Variants in INPP5A observed in about 807,000 individuals in gnomAD.
INPP5A encodes the protein 43 kDa inositol polyphosphate 5-phophatase.
In INPP5A, 14 loss-of-function variants were observed where a neutral mutation model predicts 65.2. The ratio of observed to expected loss-of-function variants is 0.21; its 90% CI spans 0.14 to 0.34. The LOEUF is 0.34. Ranked by LOEUF, INPP5A falls within the 10% of genes least tolerant of loss-of-function variation. INPP5A has a pLI of 1.00. For missense variants in INPP5A, 431 were observed against 545.6 expected, an observed-to-expected ratio of 0.79 and a Z score of 2.09; for synonymous variants, 207 against 208.3, an observed-to-expected ratio of 0.99 and a Z score of 0.05.
intron 1 of INPP5A, among the ~76,000 whole-genome samples, chr10:132,563,357 C>G (rs2071229832): frequency 6.6e-6 from 1 of 152,160 alleles, no homozygotes; most frequent in South Asian, 2.1e-4. Flanking sequence ...ACAGCGTCTG[C>G]CGGGTGCTGC....
intron 9 of INPP5A, among the ~76,000 whole-genome samples, chr10:132,730,668 A>C (rs1009545123): frequency 5.3e-5 from 8 of 152,308 alleles, no homozygotes; most frequent in African/African-American, 1.9e-4. Context: ...TGCATGCCCC[A>C]AGTGGATTTC....
intron 3 of INPP5A, among the ~76,000 whole-genome samples, chr10:132,649,395 C>T (rs535498728): frequency 2.6e-5 from 4 of 152,250 alleles, no homozygotes; most frequent in African/African-American, 7.2e-5. Flanking sequence ...GACACATTCA[C>T]GTGGTGTTGC....
chr10:132,559,171 C>A (rs1257717270), intron 1 of INPP5A, among the ~76,000 whole-genome samples: 1 of 152,220 alleles, frequency 6.6e-6, no homozygotes, highest in African/African-American at 2.4e-5. Flanking sequence ...TGGAGGAAGG[C>A]TGCCCGCCGC....
At chr10:132,767,813 G>A (rs1312893321) in intron 12 of INPP5A, among the ~76,000 whole-genome samples, 12 of 12,478 alleles carry the variant, frequency 9.6e-4, no homozygotes, top group East Asian at 3.5e-3. Context: ...GTGCCCACGC[G>A]CCCAGTGGCA....
At chr10:132,722,694 G>A (rs999915875) in intron 8 of INPP5A, among the ~76,000 whole-genome samples, 4 of 152,184 alleles carry the variant, frequency 2.6e-5, no homozygotes, top group East Asian at 3.9e-4. Context: ...GCAGCTGCTG[G>A]GACGATGAGG....
intron 4 of INPP5A, among the ~76,000 whole-genome samples, chr10:132,685,561 T>C (rs929194115): frequency 2.6e-5 from 4 of 152,264 alleles, no homozygotes; most frequent in African/African-American, 9.6e-5. Context: ...GTTCACCTGA[T>C]TGCGGAAATG....
chr10:132,581,375 A>C (rs571217923), intron 1 of INPP5A, among the ~76,000 whole-genome samples: 2 of 152,254 alleles, frequency 1.3e-5, no homozygotes, highest in South Asian at 4.2e-4. Flanking sequence ...ATTTTTTGTG[A>C]ACATCTATTT....
intron 2 of INPP5A, among the ~76,000 whole-genome samples, chr10:132,624,942 GC>G (rs2072162025): frequency 6.6e-6 from 1 of 151,964 alleles, no homozygotes; most frequent in South Asian, 2.1e-4. Flanking sequence ...AGCAGGTGCT[GC>G]CCCGCCACCC....
At chr10:132,588,840 G>A (rs1211085174) in intron 1 of INPP5A, among the ~76,000 whole-genome samples, 1 of 152,038 alleles carries the variant, frequency 6.6e-6, no homozygotes, top group African/African-American at 2.4e-5. Context: ...ACTGTTTCTT[G>A]GAGTGTGGGG....
At chr10:132,683,085 A>C (rs571776450) in intron 4 of INPP5A, among the ~76,000 whole-genome samples, 34 of 142,096 alleles carry the variant, frequency 2.4e-4, no homozygotes, top group East Asian at 6.5e-4. Flanking sequence ...CATTTAATCC[A>C]CGTGCACACG....
chr10:132,543,185 T>G (rs1300536174), intron 1 of INPP5A, among the ~76,000 whole-genome samples: 2 of 152,120 alleles, frequency 1.3e-5, no homozygotes, highest in Non-Finnish European at 2.9e-5. Context: ...CACAGGCAAT[T>G]GTAGAACATT....
At chr10:132,579,714 T>C (rs1590844208) in intron 1 of INPP5A, among the ~76,000 whole-genome samples, 1 of 152,112 alleles carries the variant, frequency 6.6e-6, no homozygotes, top group African/African-American at 2.4e-5. Flanking sequence ...GATACTCTGG[T>C]GCTGCCCAGG....
chr10:132,772,396 A>C (rs376390198), intron 12 of INPP5A, among the ~76,000 whole-genome samples: 191 of 101,820 alleles, frequency 1.9e-3, no homozygotes, highest in South Asian at 2.7e-3. Context: ...CACGGAGGCC[A>C]CGGCAGCCAC....
chr10:132,705,102 C>T lies in INPP5A; in HGVS notation c.475-3211C>T, dbSNP rs142032783. ...AGCATTGGGGGTGTCCCAGCTGCAC[C>T]GTTGGTGGGAGCATGGAGCCCGCTG... is the stretch of plus-strand genomic sequence containing the variant. On this transcript the variant is annotated intron_variant, in intron 6 of 15. Transcript: ENST00000368594. This position sits in a 1 kb window ranked among gnomAD's most constrained non-coding sequence, Gnocchi z 4.9. Among the ~76,000 whole-genome samples, 16 of 152,266 alleles carry T rather than the reference C, an allele frequency of 1.1e-4. No homozygotes were observed. The highest frequency in any genetic ancestry group is 4.8e-5 in the African/African-American group (2 of 41,542).
intron 4 of INPP5A, among the ~76,000 whole-genome samples, chr10:132,666,100 T>C (rs948904671): frequency 7.9e-5 from 12 of 152,002 alleles, no homozygotes; most frequent in African/African-American, 2.9e-4. Flanking sequence ...CATTAGTCCT[T>C]TACCAGGTTT....
intron 1 of INPP5A, among the ~76,000 whole-genome samples, chr10:132,569,955 A>T (rs1306804404): frequency 8.0e-6 from 1 of 125,278 alleles, no homozygotes; most frequent in Non-Finnish European, 1.7e-5. Context: ...CTGGGCCCCC[A>T]CTGTTTTTTT....
intron 4 of INPP5A, among the ~76,000 whole-genome samples, chr10:132,684,804 G>T (rs1251680473): frequency 6.6e-6 from 1 of 152,198 alleles, no homozygotes; most frequent in Non-Finnish European, 1.5e-5. Context: ...CCCTCACAGG[G>T]TGTGTCAGAG....
At chr10:132,703,979 AGCTTCACCCACACACACACGCACG>A (rs1480253179) in intron 6 of INPP5A, among the ~76,000 whole-genome samples, 1 of 104,702 alleles carries the variant, frequency 9.6e-6, no homozygotes, top group Non-Finnish European at 1.9e-5. Context: ...CACACACGCA[AGCTTCACCCACACACACACGCACG>A]GCTTCACCCC....
intron 1 of INPP5A, among the ~76,000 whole-genome samples, chr10:132,597,610 C>T (rs1013784912): frequency 2.6e-5 from 4 of 152,310 alleles, no homozygotes; most frequent in South Asian, 4.1e-4. Flanking sequence ...ATATGCAGAG[C>T]GGTTGTAAAA....
Sources: gnomAD v4.1 joint callset for allele counts (sites outside exome capture counted in the v4.1 genomes callset) on GRCh38, gnomAD v4.1.1 for gene constraint, Gnocchi (gnomAD v3.1) non-coding constraint, MANE v1.5 for transcripts, NCBI Gene and HGNC (gene_info 2026-07-23, HGNC 2026-07-21) for gene names.